CYRIB: variants seen among roughly 807,000 people sequenced by gnomAD.
CYRIB encodes CYFIP-related Rac1 interactor B.
In CYRIB, 8 loss-of-function variants were observed where a neutral mutation model predicts 44.2. The observed-to-expected ratio is 0.18, with a 90% CI of 0.11 to 0.33. The LOEUF (loss-of-function observed/expected upper bound fraction) is 0.33, where lower values mean the gene tolerates loss of function less well. Ranked by LOEUF, CYRIB falls within the 10% of genes least tolerant of loss-of-function variation. The probability of loss-of-function intolerance (pLI) is 1.00; values close to 1 mark genes in which losing one functional copy is unlikely to be tolerated. For synonymous variants in CYRIB, 131 were observed against 127.2 expected, an observed-to-expected ratio of 1.03 and a Z score of -0.20; for missense variants, 185 against 382.8, an observed-to-expected ratio of 0.48 and a Z score of 4.31.
chr8:129,930,067 C>T (rs1196644692), intron 1 of CYRIB, among the ~76,000 whole-genome samples: 3 of 151,558 alleles, frequency 2.0e-5, no homozygotes, highest in African/African-American at 4.9e-5. Context: ...AAAAATTCGC[C>T]GGGCGTGGTG....
intron 2 of CYRIB, among the ~76,000 whole-genome samples, chr8:129,885,079 T>G (rs527442952): frequency 6.6e-6 from 1 of 152,236 alleles, no homozygotes; most frequent in South Asian, 2.1e-4. Flanking sequence ...TACTATAATA[T>G]TTCCTCTATC....
chr8:129,903,586 G>T (rs2073543533), intron 1 of CYRIB, among the ~76,000 whole-genome samples: 1 of 152,158 alleles, frequency 6.6e-6, no homozygotes, highest in Admixed American at 6.5e-5. Context: ...AGACAACCCA[G>T]TTGTCACCGT....
intron 1 of CYRIB, among the ~76,000 whole-genome samples, chr8:129,993,628 C>T (rs1416626155): frequency 1.3e-5 from 2 of 150,996 alleles, no homozygotes; most frequent in Admixed American, 6.6e-5. Context: ...ACCCAGGAGG[C>T]GGAGGTTGCA....
At chr8:129,943,413 C>T (rs1443150080), upstream of CYRIB, among the ~76,000 whole-genome samples, 2 of 151,134 alleles carry the variant, frequency 1.3e-5, no homozygotes, top group East Asian at 2.0e-4. Flanking sequence ...TGGTGAAACC[C>T]CATCTCTACT....
intron 1 of CYRIB, among the ~76,000 whole-genome samples, chr8:130,011,702 G>A (rs1298485591): frequency 6.1e-5 from 9 of 147,182 alleles, no homozygotes; most frequent in South Asian, 2.2e-4. Context: ...GCATGGTGGC[G>A]GGTGCCTGTA....
chr8:129,951,172 C>T (rs571721967), intron 2 of CYRIB, among the ~76,000 whole-genome samples: 3 of 152,062 alleles, frequency 2.0e-5, no homozygotes, highest in African/African-American at 7.2e-5. Flanking sequence ...GGTGTGGTGG[C>T]GGGAGCCTGT....
intron 3 of CYRIB, among the ~76,000 whole-genome samples, chr8:129,873,165 C>T (rs1329135278): frequency 6.6e-6 from 1 of 151,878 alleles, no homozygotes; most frequent in East Asian, 1.9e-4. Flanking sequence ...TATCTGTTCC[C>T]TTATTTTTCA....
intron 4 of CYRIB, among the ~76,000 whole-genome samples, chr8:129,865,882 TC>T (rs1473507529): frequency 6.6e-6 from 1 of 152,196 alleles, no homozygotes; most frequent in Non-Finnish European, 1.5e-5. Context: ...GTAGAAAAAG[TC>T]AACTTTGATC....
intron 1 of CYRIB, chr8:130,004,454 T>C (rs1435005989): frequency 1.3e-5 from 2 of 152,184 alleles, no homozygotes; most frequent in Admixed American, 1.3e-4. Flanking sequence ...CAAATGCTTT[T>C]CTTTTTCCAT....
chr8:129,967,448 C>G (rs1003230890), intron 2 of CYRIB, among the ~76,000 whole-genome samples: 16 of 151,280 alleles, frequency 1.1e-4, no homozygotes, highest in Non-Finnish European at 2.2e-4. Context: ...GGCGCGATCT[C>G]GGCTCACTGC....
intron 5 of CYRIB, among the ~76,000 whole-genome samples, chr8:129,856,074 C>T (rs2046073674): frequency 6.6e-6 from 1 of 152,186 alleles, no homozygotes; most frequent in Non-Finnish European, 1.5e-5. Flanking sequence ...AATCACTTCA[C>T]ACAGTGTGGA....
chr8:129,967,338 T>C (rs1205272699), intron 2 of CYRIB, among the ~76,000 whole-genome samples: 1 of 151,864 alleles, frequency 6.6e-6, no homozygotes, highest in East Asian at 1.9e-4. Flanking sequence ...CTTTCTTCTT[T>C]TTCTTTTCTT....
intron 1 of CYRIB, among the ~76,000 whole-genome samples, chr8:129,924,440 G>A (rs1053624608): frequency 4.6e-5 from 7 of 151,826 alleles, no homozygotes; most frequent in African/African-American, 9.7e-5. Flanking sequence ...ATGCCTCCAT[G>A]AGCACATTCT....
At chr8:129,922,727 G>C (rs968016012) in intron 1 of CYRIB, among the ~76,000 whole-genome samples, 4 of 151,982 alleles carry the variant, frequency 2.6e-5, no homozygotes, top group Non-Finnish European at 4.4e-5. Context: ...GCTGGGTATG[G>C]TGGCAGGTGC....
intron 11 of CYRIB, among the ~76,000 whole-genome samples, chr8:129,846,510 T>A (rs1286737792): frequency 6.6e-6 from 1 of 152,210 alleles, no homozygotes; most frequent in Non-Finnish European, 1.5e-5. Context: ...TATATAATAC[T>A]TTTATTACAA....
intron 1 of CYRIB, among the ~76,000 whole-genome samples, chr8:130,016,058 G>T (rs2097336102): frequency 6.6e-6 from 1 of 151,350 alleles, no homozygotes; most frequent in Admixed American, 6.6e-5. Context: ...CAAGGCGCCG[G>T]CTCCGCAGCT....
intron 1 of CYRIB, among the ~76,000 whole-genome samples, chr8:129,936,512 A>C (rs1367237944): frequency 1.3e-5 from 2 of 152,166 alleles, no homozygotes; most frequent in Non-Finnish European, 2.9e-5. Flanking sequence ...TTTATGTATA[A>C]TTGTAGAAAC....
intron 4 of CYRIB, among the ~76,000 whole-genome samples, chr8:129,866,670 G>T (rs2053810331): frequency 1.3e-5 from 2 of 152,086 alleles, no homozygotes; most frequent in African/African-American, 4.8e-5. Context: ...TTTCTTGCAA[G>T]GATCTAAAAA....
chr8:129,981,046 G>A (rs530453743), intron 1 of CYRIB, among the ~76,000 whole-genome samples: 4 of 151,962 alleles, frequency 2.6e-5, no homozygotes, highest in Non-Finnish European at 4.4e-5. Flanking sequence ...AAGATGGGAA[G>A]AAGACAGAGG....
Sources: allele counts gnomAD v4.1 joint callset (sites outside exome capture counted in the v4.1 genomes callset), GRCh38; gene constraint gnomAD v4.1.1; transcripts MANE v1.5; gene names NCBI Gene and HGNC (gene_info 2026-07-23, HGNC 2026-07-21).